Variants in UGT1A8 observed in about 807,000 individuals in gnomAD.
The protein encoded by UGT1A8 is UDP-glucuronosyltransferase 1A8.
In UGT1A8, 39 loss-of-function variants were observed where a neutral mutation model predicts 45.3. The ratio of observed to expected loss-of-function variants is 0.86; its 90% confidence interval spans 0.67 to 1.12. UGT1A8 has a LOEUF of 1.12. Ranked by LOEUF, UGT1A8 falls within the 50% of genes most tolerant of loss-of-function variation. The probability of loss-of-function intolerance (pLI) is 0.00; values close to 1 mark genes in which losing one functional copy is unlikely to be tolerated. For missense variants in UGT1A8, 719 were observed against 664.9 expected (o/e 1.08, Z -0.90); for synonymous variants, 275 against 249.2 (o/e 1.10, Z -0.97).
At chr2:233,684,330 T>G (rs1255632996) in intron 1 of UGT1A8, among the ~76,000 whole-genome samples, 2 of 152,192 alleles carry the variant, frequency 1.3e-5, no homozygotes, top group Non-Finnish European at 2.9e-5. Context: ...TGTAGGACGC[T>G]AAGAGGATAG....
At position 233,731,167 on chromosome 2, in the gene UGT1A8, AT is replaced by A. The variant is rs1179116589; in HGVS notation, c.856-35860del. On this transcript the variant is annotated intron_variant, in intron 1 of 4. Transcript: ENST00000373450. ...TTTTTCTTTTTGATCAAACGACATG[AT>A]TTTTTTATGCAATGTAATTATTCAA... is the stretch of plus-strand genomic sequence containing the variant. 9.2e-5 allele frequency among the ~76,000 whole-genome samples: 14 copies of A among 151,914 alleles called. No homozygotes were observed. The East Asian group carries it at 1.4e-3, about 15-fold the overall frequency.
chr2:233,769,487 TTA>T lies in UGT1A8; in HGVS notation c.1295+1050_1295+1051del. On this transcript the variant is annotated intron_variant, in intron 4 of 4. Coordinates refer to ENST00000373450, the MANE Select transcript of UGT1A8 (RefSeq NM_019076.5). This position sits in a 1 kb window ranked among gnomAD's most constrained non-coding sequence, Gnocchi z 4.4. ...TGCGTGTGTGTGTGTGTGCGTGTGT[TTA>T]TGAGAGTGTCCATTGCTTTCTCCCA... The T allele has an allele frequency of 1.2e-6, 2 of 1,612,452 alleles. No individual in the cohort carries two copies. The highest frequency in any genetic ancestry group is 1.7e-6 in the Non-Finnish European group (2 of 1,179,688).
chr2:233,631,051 G>T (rs894381594), intron 1 of UGT1A8, among the ~76,000 whole-genome samples: 1 of 151,844 alleles, frequency 6.6e-6, no homozygotes, highest in African/African-American at 2.4e-5. Flanking sequence ...TGTTCTCATT[G>T]TCCAACTCCT....
chr2:233,636,710 G>T (rs2073300559), intron 1 of UGT1A8: 2 of 1,614,150 alleles, frequency 1.2e-6, no homozygotes, highest in African/African-American at 2.7e-5. Context: ...CCAGAGGTGA[G>T]TTGGCAACTG....
At chr2:233,707,260 G>A (rs1461655680) in intron 1 of UGT1A8, among the ~76,000 whole-genome samples, 2 of 151,950 alleles carry the variant, frequency 1.3e-5, no homozygotes, top group Non-Finnish European at 1.5e-5. Flanking sequence ...TTCTTCATCA[G>A]CATTTATTTT....
chr2:233,760,880 C>T, intron 1 of UGT1A8: 2 of 1,614,166 alleles, frequency 1.2e-6, no homozygotes, highest in Non-Finnish European at 1.7e-6. Context: ...AGGCCTCTCT[C>T]CTCTCATTCA....
At chr2:233,664,493 G>T (rs1396640647) in intron 1 of UGT1A8, among the ~76,000 whole-genome samples, 2 of 152,210 alleles carry the variant, frequency 1.3e-5, no homozygotes, top group Admixed American at 1.3e-4. Flanking sequence ...TCAAGATTTT[G>T]CAGGCTGTAC....
At position 233,752,253 on chromosome 2, in the gene UGT1A8, G is replaced by A. The variant is rs182159000; in HGVS notation, c.856-14781G>A. ...TTGGTTTTTTGGACCCTACTGTGAT[G>A]GTCACAGGACTCCAGGTCTCTTGGG... On this transcript the variant is annotated intron_variant, in intron 1 of 4. Coordinates refer to ENST00000373450, the MANE Select transcript of UGT1A8 (RefSeq NM_019076.5). 1.2e-3 allele frequency: 184 copies of A among 152,284 alleles called. 1 individual carries two copies. Among genetic ancestry groups the A allele is most frequent in the African/African-American group, 4.2e-3 (173 of 41,564 alleles). 9.4% of individuals were successfully genotyped at this position (152,284 alleles called of 1,614,324 possible).
intron 1 of UGT1A8, chr2:233,717,765 A>G (rs542569654): frequency 6.4e-5 from 29 of 456,606 alleles, no homozygotes; most frequent in African/African-American, 5.0e-4. Flanking sequence ...AAAGGCACAC[A>G]TTTAATTCTC....
chr2:233,639,012 C>T (rs1290227028), intron 1 of UGT1A8, among the ~76,000 whole-genome samples: 1 of 152,192 alleles, frequency 6.6e-6, no homozygotes, highest in Non-Finnish European at 1.5e-5. Flanking sequence ...ACCCCACAGC[C>T]TTCGGCCGAG....
At chr2:233,693,697 A>T (rs1427755999) in intron 1 of UGT1A8, 1 of 1,614,050 alleles carries the variant, frequency 6.2e-7, no homozygotes, top group Admixed American at 1.7e-5. Flanking sequence ...AGTATGAAGA[A>T]CTCGCATCAG....
chr2:233,642,473 T>G (rs373099249), intron 1 of UGT1A8, among the ~76,000 whole-genome samples: 25 of 152,368 alleles, frequency 1.6e-4, no homozygotes, highest in African/African-American at 6.0e-4. Context: ...TTGAATTCTC[T>G]GTCTGAAAGG....
chr2:233,618,600 G>T, intron 1 of UGT1A8, 38 bp downstream of exon 1: 4 of 1,544,136 alleles, frequency 2.6e-6, no homozygotes, highest in South Asian at 2.5e-5. Flanking sequence ...GGAATAATCT[G>T]GCTTTGGAAA....
At chr2:233,662,159 G>A (rs991145288) in intron 1 of UGT1A8, among the ~76,000 whole-genome samples, 4 of 152,130 alleles carry the variant, frequency 2.6e-5, no homozygotes, top group Non-Finnish European at 5.9e-5. Context: ...ATGGTGTCAT[G>A]TATAGTCTGT....
chr2:233,746,916 C>G (rs1283872586), intron 1 of UGT1A8, among the ~76,000 whole-genome samples: 1 of 151,772 alleles, frequency 6.6e-6, no homozygotes, highest in Non-Finnish European at 1.5e-5. Flanking sequence ...TGGGTTTCCA[C>G]AGGCCTTTGT....
chr2:233,758,617 T>TGC (rs1696928480), intron 1 of UGT1A8, among the ~76,000 whole-genome samples: 1 of 152,162 alleles, frequency 6.6e-6, no homozygotes, highest in Non-Finnish European at 1.5e-5. Flanking sequence ...TGCATGTGCA[T>TGC]GCAAAGTACC....
intron 1 of UGT1A8, among the ~76,000 whole-genome samples, chr2:233,678,091 T>A (rs2074408425): frequency 6.6e-6 from 1 of 152,196 alleles, no homozygotes; most frequent in Non-Finnish European, 1.5e-5. Context: ...ACCATTGTTT[T>A]CACTTAGAAA....
intron 1 of UGT1A8, among the ~76,000 whole-genome samples, chr2:233,680,109 G>A (rs1170091981): frequency 1.3e-5 from 2 of 151,980 alleles, no homozygotes; most frequent in Admixed American, 1.3e-4. Context: ...TAGCGGCAGA[G>A]CTCAATCTAC....
At chr2:233,636,986 T>G in intron 1 of UGT1A8, 1 of 1,614,180 alleles carries the variant, frequency 6.2e-7, no homozygotes, top group Non-Finnish European at 8.5e-7. Context: ...ACCTGTGGCT[T>G]AATTGTTGCT....
Sources: gnomAD v4.1 joint callset for allele counts (sites outside exome capture counted in the v4.1 genomes callset) on GRCh38, gnomAD v4.1.1 for gene constraint, Gnocchi (gnomAD v3.1) non-coding constraint, MANE v1.5 for transcripts, NCBI Gene and HGNC (gene_info 2026-07-23, HGNC 2026-07-21) for gene names.